Variants in TTLL8 observed in about 807,000 individuals in gnomAD.
TTLL8 encodes the protein tubulin tyrosine ligase like 8.
Under a neutral mutation model 77.8 loss-of-function variants are expected in TTLL8, and 65 were observed. The observed-to-expected ratio is 0.84, with a 90% CI of 0.68 to 1.03. The LOEUF (loss-of-function observed/expected upper bound fraction) is 1.03, where lower values mean the gene tolerates loss of function less well. Ranked by LOEUF, TTLL8 falls within the 50% of genes least tolerant of loss-of-function variation. The pLI is 0.00. For missense variants in TTLL8, 910 were observed against 1,004.5 expected (o/e 0.91, Z 1.27); for synonymous variants, 402 against 422.8 (o/e 0.95, Z 0.60).
intron 6 of TTLL8, among the ~76,000 whole-genome samples, chr22:50,043,926 C>T (rs1006313369): frequency 6.6e-6 from 1 of 152,092 alleles, no homozygotes; most frequent in African/African-American, 2.4e-5. Flanking sequence ...CTGTCTGATA[C>T]TGGAATGGTG....
chr22:50,039,589 T>G (rs1003151434), intron 8 of TTLL8, among the ~76,000 whole-genome samples: 1 of 152,230 alleles, frequency 6.6e-6, no homozygotes, highest in East Asian at 1.9e-4. Context: ...TAAAGCATCC[T>G]GAGGAAAAGA....
chr22:50,022,696 A>G (rs1045153491), intron 12 of TTLL8, among the ~76,000 whole-genome samples: 5 of 152,096 alleles, frequency 3.3e-5, no homozygotes, highest in Non-Finnish European at 7.4e-5. Context: ...GTCACAGTTA[A>G]GAAACTCCTG....
In TTLL8 at chr22:50,041,106, G is replaced by T; in HGVS notation, c.921+81C>A. On this transcript the variant is annotated intron_variant, in intron 8 of 13. Coordinates refer to ENST00000266182, the Ensembl canonical transcript of TTLL8. This position sits in a 1 kb window ranked among gnomAD's most constrained non-coding sequence, Gnocchi z 4.3. ...CACTCGCCAGCTGCCAGGAGCTCTG[G>T]GCCCAGGCACACCTCTGCCAGTCAC... is the stretch of plus-strand genomic sequence containing the variant. 1.1e-5 allele frequency: 4 copies of T among 358,330 alleles called. No individual in the cohort carries two copies. The allele number at this position is 358,330 out of a possible 1,614,324, so 22.2% of individuals were successfully genotyped here. A position where few individuals can be genotyped will look rare whatever the true frequency, so the allele number is the denominator to read the frequency against.
intron 12 of TTLL8, among the ~76,000 whole-genome samples, chr22:50,021,949 TGACGTGCACTCCTCCATCTGAC>T (rs1402115557): frequency 1.7e-4 from 24 of 140,952 alleles, no homozygotes; most frequent in Non-Finnish European, 2.6e-4. Flanking sequence ...GTCCTCCATC[TGACGTGCACTCCTCCATCTGAC>T]GACGTGCACT....
At chr22:50,055,775 A>G (rs2061467554), upstream of TTLL8, among the ~76,000 whole-genome samples, 1 of 151,742 alleles carries the variant, frequency 6.6e-6, no homozygotes, top group Non-Finnish European at 1.5e-5. Flanking sequence ...GAGCTGTGGG[A>G]GAGGGGGTGT....
At chr22:50,031,070 C>CGTG in intron 11 of TTLL8, 145 bp from the exon 13 acceptor site, 2 of 709,332 alleles carry the variant, frequency 2.8e-6, no homozygotes, top group Non-Finnish European at 3.9e-6. Flanking sequence ...GGGTCCCACG[C>CGTG]AGACCCCCAG....
At position 50,029,449 on chromosome 22, in the gene TTLL8, A is replaced by AC. The variant is rs906061065; in HGVS notation, c.2203+980dup. On this transcript the variant is annotated intron_variant, in intron 12 of 13. Coordinates refer to ENST00000266182, the Ensembl canonical transcript of TTLL8. The stretch of plus-strand genomic sequence containing the variant: ...AAGACCCCATCACACCGTCCTAAAG[A>AC]CCCCCCCTATTGCCGGGCGCGGTGG... 1.3e-5 allele frequency among the ~76,000 whole-genome samples: 2 copies of AC among 150,704 alleles called. 1 individual carries two copies. The highest frequency in any genetic ancestry group is 3.0e-5 in the Non-Finnish European group (2 of 67,734).
upstream of TTLL8, among the ~76,000 whole-genome samples, chr22:50,056,510 C>A (rs1437934534): frequency 6.6e-6 from 1 of 152,140 alleles, no homozygotes; most frequent in Non-Finnish European, 1.5e-5. The surrounding 1 kb of genome is among the most constrained non-coding windows in gnomAD (Gnocchi z 4.1). Flanking sequence ...TCCTAGGGAG[C>A]ATTTACCCAC....
intron 12 of TTLL8, among the ~76,000 whole-genome samples, chr22:50,023,617 G>A (rs1020124334): frequency 3.3e-5 from 5 of 151,980 alleles, no homozygotes; most frequent in South Asian, 2.1e-4. Context: ...CCTGGGAGGC[G>A]GAGGTTGCAG....
At chr22:50,026,209 C>T (rs966789061) in intron 12 of TTLL8, among the ~76,000 whole-genome samples, 3 of 152,232 alleles carry the variant, frequency 2.0e-5, no homozygotes, top group South Asian at 2.1e-4. Context: ...GGTGCACACT[C>T]GTCACACTGT....
chr22:50,045,899 G>C, exon 5 of TTLL8: 1 of 1,361,440 alleles, frequency 7.3e-7, no homozygotes, highest in South Asian at 1.1e-5. Context: ...GGCTGTAGCA[G>C]CGTGGGAAGA....
upstream of TTLL8, chr22:50,056,988 G>A (rs1601943177): frequency 1.2e-5 from 15 of 1,288,782 alleles, no homozygotes; most frequent in East Asian, 1.1e-4. The surrounding 1 kb of genome is among the most constrained non-coding windows in gnomAD (Gnocchi z 4.1). Flanking sequence ...AGGAGAGGGT[G>A]TGGTGGTTAC....
chr22:50,034,501 C>A lies in TTLL8; in HGVS notation c.922-39G>T. On this transcript the variant is annotated intron_variant, in intron 8 of 13. Transcript: ENST00000266182. This position sits in a 1 kb window ranked among gnomAD's most constrained non-coding sequence, Gnocchi z 4.1. ...TTTCTTGAATTGGAGATGAAAGCAT[C>A]GCCACTACAAAGCAAGATCCAGAAA... 7.4e-7 allele frequency: 1 copy of A among 1,352,598 alleles called. No individual in the cohort carries two copies. Among genetic ancestry groups the A allele is most frequent in the Non-Finnish European group, 9.8e-7 (1 of 1,015,942 alleles). The allele number at this position is 1,352,598 out of a possible 1,614,324, so 83.8% of individuals were successfully genotyped here. A position where few individuals can be genotyped will look rare whatever the true frequency, so the allele number is the denominator to read the frequency against.
chr22:50,057,429 GTC>G (rs1491298171), upstream of TTLL8, among the ~76,000 whole-genome samples: 5 of 113,928 alleles, frequency 4.4e-5, no homozygotes, highest in Admixed American at 8.9e-5. Flanking sequence ...TGGGTTGGGG[GTC>G]AGGTCTGGGT....
At chr22:50,042,486 T>A (rs75149485) in intron 6 of TTLL8, among the ~76,000 whole-genome samples, 10,169 of 151,982 alleles carry the variant, frequency 0.067, 477 homozygotes, top group East Asian at 0.24. Flanking sequence ...AGAAAACAAT[T>A]TAAAAATGAA....
chr22:50,055,112 G>A, upstream of TTLL8: 5 of 1,174,104 alleles, frequency 4.3e-6, no homozygotes, highest in Non-Finnish European at 5.4e-6. Context: ...GTCCCCACAG[G>A]GAGGAGGCTG....
At chr22:50,028,360 G>A (rs976505627) in intron 12 of TTLL8, among the ~76,000 whole-genome samples, 4 of 152,246 alleles carry the variant, frequency 2.6e-5, no homozygotes, top group Admixed American at 1.3e-4. Context: ...CAGACCACGT[G>A]GGGACTGGGG....
At chr22:50,055,850 A>C (rs889591277), upstream of TTLL8, among the ~76,000 whole-genome samples, 1 of 152,106 alleles carries the variant, frequency 6.6e-6, no homozygotes, top group African/African-American at 2.4e-5. Flanking sequence ...GAGCGACTCC[A>C]TCTTGAATAG....
chr22:50,021,219 ACG>A, intron 12 of TTLL8, among the ~76,000 whole-genome samples: 1 of 133,544 alleles, frequency 7.5e-6, no homozygotes. Flanking sequence ...CCTCCATCTG[ACG>A]TGCACTCCTC....
Sources: gnomAD v4.1 joint callset for allele counts (sites outside exome capture counted in the v4.1 genomes callset) on GRCh38, gnomAD v4.1.1 for gene constraint, Gnocchi (gnomAD v3.1) non-coding constraint, MANE v1.5 for transcripts, NCBI Gene and HGNC (gene_info 2026-07-23, HGNC 2026-07-21) for gene names.